Variants in GPR137B observed in about 807,000 individuals in gnomAD.
GPR137B encodes G protein-coupled receptor 137B.
Under a neutral mutation model 42.5 loss-of-function variants are expected in GPR137B, and 42 were observed. That is an observed-to-expected ratio of 0.99 (90% CI 0.77 to 1.28). GPR137B has a LOEUF of 1.28. Ranked by LOEUF, GPR137B falls within the 50% of genes most tolerant of loss-of-function variation. The probability of loss-of-function intolerance (pLI) is 0.00; values close to 1 mark genes in which losing one functional copy is unlikely to be tolerated. For missense variants in GPR137B, 487 were observed against 493.9 expected (o/e 0.99, Z 0.13); for synonymous variants, 218 against 209.7 (o/e 1.04, Z -0.34).
chr1:236,197,228 G>C (rs568268828), intron 5 of GPR137B, among the ~76,000 whole-genome samples: 1 of 152,096 alleles, frequency 6.6e-6, no homozygotes, highest in Admixed American at 6.5e-5. Flanking sequence ...TTTTGGATGG[G>C]ATTAGTTGTT....
rs1391432283 is a variant in GPR137B, at chr1:236,171,145, T to TA, written c.464+2392dup. On this transcript the variant is annotated intron_variant, in intron 2 of 6. Coordinates refer to ENST00000366592, the MANE Select transcript of GPR137B (RefSeq NM_003272.4). The surrounding 1 kb of genome is among the most constrained non-coding windows in gnomAD (Gnocchi z 4.4). Reference sequence around the variant, plus strand: ...TAAATAACTCAGCATAAAACAGTTGTAACTGTGTTTTGACTGCAATCCATC... The same window carrying TA: ...TAAATAACTCAGCATAAAACAGTTGTAAACTGTGTTTTGACTGCAATCCATC... Among the ~76,000 whole-genome samples the TA allele has an allele frequency of 2.0e-5, 3 of 152,332 alleles. No individual in the cohort carries two copies. In the East Asian group the frequency reaches 5.8e-4, roughly 29 times the overall value.
At chr1:236,185,518 G>A (rs937825196) in intron 5 of GPR137B, among the ~76,000 whole-genome samples, 1 of 152,208 alleles carries the variant, frequency 6.6e-6, no homozygotes, top group Non-Finnish European at 1.5e-5. Flanking sequence ...AGCACTCCAA[G>A]TGATCTGAAT....
intron 5 of GPR137B, among the ~76,000 whole-genome samples, chr1:236,198,462 C>G (rs1663402192): frequency 6.6e-6 from 1 of 152,156 alleles, no homozygotes; most frequent in African/African-American, 2.4e-5. Flanking sequence ...TGCCTGGCCT[C>G]CCAAAGTGCT....
At chr1:236,184,261 A>C (rs10924573) in intron 5 of GPR137B, among the ~76,000 whole-genome samples, 1,851 of 152,340 alleles carry the variant, frequency 0.012, 38 homozygotes, top group African/African-American at 0.042. Context: ...AAAATAGAGA[A>C]TAGAGAAACA....
chr1:236,196,306 A>G (rs1471022186), intron 5 of GPR137B, among the ~76,000 whole-genome samples: 2 of 151,800 alleles, frequency 1.3e-5, no homozygotes, highest in Non-Finnish European at 2.9e-5. Context: ...CACCCAGCTA[A>G]TTTTTGTATT....
rs1663715777 is a variant in GPR137B, at chr1:236,208,053, T to TGCTCCAGATTACTATGATTGGGGACAA, written c.1096_1122dup (p.Ala366_Gln374dup). On this transcript the variant is annotated inframe_insertion, in exon 7 of 7. Coordinates refer to ENST00000366592, the MANE Select transcript of GPR137B (RefSeq NM_003272.4). ...GAAATATTTTTTTCTTTTTAAGTTT[T>TGCTCCAGATTACTATGATTGGGGACAA]GCTCCAGATTACTATGATTGGGGAC... 2.5e-6 allele frequency: 4 copies of TGCTCCAGATTACTATGATTGGGGACAA among 1,609,476 alleles called. No homozygotes were observed. In the African/African-American group the frequency reaches 5.3e-5, roughly 21 times the overall value.
At chr1:236,183,608 A>G (rs1473790007) in intron 4 of GPR137B, among the ~76,000 whole-genome samples, 170 bp from the exon 5 acceptor site, 2 of 152,222 alleles carry the variant, frequency 1.3e-5, no homozygotes, top group African/African-American at 4.8e-5. Context: ...CTATATTTTA[A>G]TACTTTAAAT....
chr1:236,208,258 CTTGATT>C lies in GPR137B; in HGVS notation c.*103_*108del, dbSNP rs776881854. The C allele has an allele frequency of 6.6e-7, 1 of 1,508,696 alleles. No individual in the cohort carries two copies. Among genetic ancestry groups the C allele is most frequent in the Non-Finnish European group, 8.8e-7 (1 of 1,132,310 alleles). The allele number at this position is 1,508,696 out of a possible 1,614,324, so 93.5% of individuals were successfully genotyped here. A position where few individuals can be genotyped will look rare whatever the true frequency, so the allele number is the denominator to read the frequency against. ...GGGCACTTTTCCTTAAGAAATAGAA[CTTGATT>C]TTTATTTGTTACAGGTTTCCAATGG... On this transcript the variant is annotated 3_prime_UTR_variant, in exon 7 of 7. Coordinates refer to ENST00000366592, the MANE Select transcript of GPR137B (RefSeq NM_003272.4).
chr1:236,192,889 T>C (rs992126865), intron 5 of GPR137B, among the ~76,000 whole-genome samples: 1 of 125,226 alleles, frequency 8.0e-6, no homozygotes, highest in African/African-American at 3.9e-5. Context: ...CATTTCAAGC[T>C]TTTTTTGTTT....
Position 236,143,033 on chromosome 1 carries a change from G to C in GPR137B, c.411G>C (p.Thr137=), listed in dbSNP as rs377672894. Residue 137 remains threonine, a synonymous_variant, in exon 1 of 7, where the codon ACG becomes ACC. Transcript: ENST00000366592. The part of the protein sequence containing the change: ...FTLTLMNLYF[T]QVIFKAKSKY... ...TCACGCTGATGAACTTGTACTTCAC[G>C]CAGGTGAGTTTCAGAGAGGCTCCTG... 1.9e-6 allele frequency: 3 copies of C among 1,608,696 alleles called. No homozygotes were observed. The highest frequency in any genetic ancestry group is 2.5e-6 in the Non-Finnish European group (3 of 1,177,518).
intron 5 of GPR137B, among the ~76,000 whole-genome samples, chr1:236,196,420 A>G (rs991276816): frequency 5.3e-5 from 8 of 152,300 alleles, no homozygotes; most frequent in Non-Finnish European, 8.8e-5. Flanking sequence ...GATTACAGGC[A>G]TGAGCCACTG....
chr1:236,169,347 G>T (rs531852019), intron 2 of GPR137B, among the ~76,000 whole-genome samples: 91 of 152,310 alleles, frequency 6.0e-4, no homozygotes, highest in Non-Finnish European at 1.2e-3. Flanking sequence ...TTGTTTTCCA[G>T]AACTTCAGTG....
At chr1:236,157,523 G>A (rs1246402426) in intron 1 of GPR137B, among the ~76,000 whole-genome samples, 2 of 151,958 alleles carry the variant, frequency 1.3e-5, no homozygotes, top group Non-Finnish European at 2.9e-5. Context: ...TGCCCGGCCC[G>A]ATTCCACACA....
At chr1:236,149,004 G>A (rs966984278) in intron 1 of GPR137B, among the ~76,000 whole-genome samples, 5 of 152,110 alleles carry the variant, frequency 3.3e-5, no homozygotes, top group Non-Finnish European at 5.9e-5. Context: ...AGGAGATGCC[G>A]TGTGTCCTGA....
intron 1 of GPR137B, among the ~76,000 whole-genome samples, chr1:236,146,098 T>C (rs7552758): frequency 0.014 from 2,171 of 152,110 alleles, 55 homozygotes; most frequent in African/African-American, 0.049. Context: ...CCTCAAGTAA[T>C]CTGCCCACCT....
chr1:236,151,038 CAA>C (rs1225590949), intron 1 of GPR137B, among the ~76,000 whole-genome samples: 2 of 152,212 alleles, frequency 1.3e-5, no homozygotes, highest in African/African-American at 2.4e-5. Context: ...TTGCAAACAA[CAA>C]AGTCATGTGA....
chr1:236,207,075 A>AC, intron 6 of GPR137B: 3 of 811,590 alleles, frequency 3.7e-6, no homozygotes, highest in Non-Finnish European at 4.5e-6. Context: ...CTTGTTAGTA[A>AC]CAGTGAAAGT....
Position 236,155,124 on chromosome 1 carries a change from T to A in GPR137B, c.414+12088T>A, listed in dbSNP as rs1424951010. Among the ~76,000 whole-genome samples the A allele has an allele frequency of 6.6e-6, 1 of 152,186 alleles. No individual in the cohort carries two copies. Among genetic ancestry groups the A allele is most frequent in the Non-Finnish European group, 1.5e-5 (1 of 68,020 alleles). ...TGCCTCCACCTCTGTGCGGAACTGA[T>A]GCCGAGACGGACTCCACCCAGGCAG... is the stretch of plus-strand genomic sequence containing the variant. On this transcript the variant is annotated intron_variant, in intron 1 of 6. Transcript: ENST00000366592. This position sits in a 1 kb window ranked among gnomAD's most constrained non-coding sequence, Gnocchi z 4.6.
chr1:236,176,887 C>T (rs781215542), intron 2 of GPR137B, among the ~76,000 whole-genome samples: 2 of 152,032 alleles, frequency 1.3e-5, no homozygotes, highest in East Asian at 1.9e-4. Flanking sequence ...GATGGTCACC[C>T]GTCTGTTTTG....
Sources: allele counts gnomAD v4.1 joint callset (sites outside exome capture counted in the v4.1 genomes callset), GRCh38; gene constraint gnomAD v4.1.1; non-coding constraint Gnocchi (gnomAD v3.1); transcripts MANE v1.5; gene names NCBI Gene and HGNC (gene_info 2026-07-23, HGNC 2026-07-21).